RNF6: variants seen among roughly 807,000 people sequenced by gnomAD.
The protein encoded by RNF6 is ring finger protein 6.
A neutral mutation model predicts 50.1 loss-of-function variants in RNF6; 21 were observed. The observed-to-expected ratio is 0.42, with a 90% CI of 0.30 to 0.60. The LOEUF is 0.60. RNF6 is among the 20% of genes least tolerant of loss of function. The pLI is 0.20. For synonymous variants in RNF6, 255 were observed against 291.8 expected (o/e 0.87, Z 1.29); for missense variants, 698 against 838.2 (o/e 0.83, Z 2.07).
chr13:26,175,244 C>T (rs940390865), intron 5 of RNF6, among the ~76,000 whole-genome samples: 5 of 152,124 alleles, frequency 3.3e-5, no homozygotes, highest in Admixed American at 6.5e-5. Flanking sequence ...CCATGCCTGG[C>T]TAATTTTTGT....
chr13:26,180,703 T>C (rs4770941), intron 5 of RNF6, among the ~76,000 whole-genome samples: 57,141 of 152,112 alleles, frequency 0.38, 11,848 homozygotes, highest in East Asian at 0.7. Flanking sequence ...ATTAGAACCA[T>C]TGATGGCTAT....
chr13:26,132,491 G>T (rs1307056516), intron 5 of RNF6: 3 of 455,210 alleles, frequency 6.6e-6, no homozygotes, highest in Non-Finnish European at 1.3e-5. Context: ...AAAAGTAGAA[G>T]TTTAATGTAC....
chr13:26,143,368 T>C lies in RNF6; in HGVS notation n.769-10917A>G, dbSNP rs78105491. Reference sequence around the variant, plus strand: ...CCCATCCAGCAAAGTAACTGTCTTATTTGCCTGTTGATTCAGAAGCATGAG... The same window carrying C: ...CCCATCCAGCAAAGTAACTGTCTTACTTGCCTGTTGATTCAGAAGCATGAG... On this transcript the variant is annotated intron_variant and non_coding_transcript_variant, in intron 5 of 5. Transcript: ENST00000468480. Among the ~76,000 whole-genome samples, 302 of 152,312 alleles carry C rather than the reference T, an allele frequency of 2.0e-3. 12 individuals carry two copies. In the East Asian group the frequency reaches 0.055, roughly 28 times the overall value.
At chr13:26,180,719 C>T (rs1873194040) in intron 5 of RNF6, among the ~76,000 whole-genome samples, 1 of 152,190 alleles carries the variant, frequency 6.6e-6, no homozygotes. Context: ...GCTATTGGGA[C>T]GTCCATCAGA....
At chr13:26,200,514 A>G (rs1018480159) in intron 5 of RNF6, among the ~76,000 whole-genome samples, 1 of 150,924 alleles carries the variant, frequency 6.6e-6, no homozygotes, top group Non-Finnish European at 1.5e-5. Context: ...GGTTCAAGCA[A>G]TTCTCCTGCC....
In RNF6 at chr13:26,153,602, G is replaced by A. The variant is rs188477233; in HGVS notation, n.769-21151C>T. The stretch of plus-strand genomic sequence containing the variant: ...GAAAATTGAATAAATGGGAGGAGAC[G>A]TATCTGGTTAAATTGCAGGGTTCAT... On this transcript the variant is annotated intron_variant and non_coding_transcript_variant, in intron 5 of 5. Transcript: ENST00000468480. Among the ~76,000 whole-genome samples the A allele has an allele frequency of 2.0e-3, 304 of 152,272 alleles. 4 individuals carry two copies. In the South Asian group the frequency reaches 0.03, roughly 15 times the overall value.
At chr13:26,145,803 C>T (rs978062188) in intron 5 of RNF6, among the ~76,000 whole-genome samples, 6 of 152,188 alleles carry the variant, frequency 3.9e-5, no homozygotes, top group African/African-American at 1.4e-4. Context: ...TTACTATTTT[C>T]CTAGGTAGAA....
At chr13:26,184,006 A>T (rs866845367) in intron 5 of RNF6, among the ~76,000 whole-genome samples, 1 of 10,174 alleles carries the variant, frequency 9.8e-5, no homozygotes, top group African/African-American at 2.4e-4. Flanking sequence ...ATATATATAT[A>T]TATATATATA....
chr13:26,210,823 T>G (rs1269233659), downstream of RNF6, among the ~76,000 whole-genome samples: 1 of 152,082 alleles, frequency 6.6e-6, no homozygotes, highest in Non-Finnish European at 1.5e-5. Flanking sequence ...GAAAGGAAAA[T>G]AACCTCGTAA....
At chr13:26,202,565 T>C (rs1868937252) in intron 5 of RNF6, among the ~76,000 whole-genome samples, 1 of 152,134 alleles carries the variant, frequency 6.6e-6, no homozygotes. Context: ...AGAGAGGAAA[T>C]ATTTTAGCAA....
intron 5 of RNF6, among the ~76,000 whole-genome samples, chr13:26,194,059 C>T (rs1868564346): frequency 6.6e-6 from 1 of 152,042 alleles, no homozygotes; most frequent in Non-Finnish European, 1.5e-5. Flanking sequence ...TAAGGAAATA[C>T]AATATTACTG....
At chr13:26,142,761 C>A (rs564979807) in intron 5 of RNF6, among the ~76,000 whole-genome samples, 3 of 152,178 alleles carry the variant, frequency 2.0e-5, no homozygotes, top group African/African-American at 7.2e-5. Context: ...AAAAACATTC[C>A]AACTGGGTAC....
chr13:26,201,714 C>G (rs1868904431), intron 5 of RNF6, among the ~76,000 whole-genome samples: 1 of 152,224 alleles, frequency 6.6e-6, no homozygotes. Context: ...ATATGGGACT[C>G]TGATCCTGGG....
At chr13:26,217,873 C>T (rs1870058389) in intron 4 of RNF6, among the ~76,000 whole-genome samples, 1 of 152,162 alleles carries the variant, frequency 6.6e-6, no homozygotes, top group Admixed American at 6.5e-5. Context: ...GGACTGTTAA[C>T]GTAAGTAAGA....
At chr13:26,141,287 G>T (rs1833907331) in intron 5 of RNF6, among the ~76,000 whole-genome samples, 1 of 152,024 alleles carries the variant, frequency 6.6e-6, no homozygotes, top group Admixed American at 6.6e-5. Context: ...AATTAGCTGG[G>T]CGTGGTGGTG....
At chr13:26,218,477 A>T (rs748904378) in intron 4 of RNF6, 34 bp downstream of exon 4, 1 of 1,521,632 alleles carries the variant, frequency 6.6e-7, no homozygotes, top group Non-Finnish European at 9.1e-7. Flanking sequence ...TGCTCCAATC[A>T]AGCCTGTTCC....
intron 5 of RNF6, among the ~76,000 whole-genome samples, chr13:26,134,373 G>A (rs759114285): frequency 2.0e-5 from 3 of 152,238 alleles, no homozygotes; most frequent in South Asian, 2.1e-4. Flanking sequence ...ATGGGTGAGC[G>A]TGAGGCCACA....
chr13:26,170,990 A>T (rs928680756), intron 5 of RNF6, among the ~76,000 whole-genome samples: 2 of 152,182 alleles, frequency 1.3e-5, no homozygotes, highest in Non-Finnish European at 2.9e-5. Flanking sequence ...TCTTCATGAC[A>T]TTGGGTTTGG....
intron 5 of RNF6, among the ~76,000 whole-genome samples, chr13:26,200,186 C>G (rs1289759455): frequency 6.6e-6 from 1 of 152,108 alleles, no homozygotes; most frequent in African/African-American, 2.4e-5. Flanking sequence ...CTAAACAGAC[C>G]AAGGCAATAC....
Sources: gnomAD v4.1 joint callset for allele counts (sites outside exome capture counted in the v4.1 genomes callset) on GRCh38, gnomAD v4.1.1 for gene constraint, MANE v1.5 for transcripts, NCBI Gene and HGNC (gene_info 2026-07-23, HGNC 2026-07-21) for gene names.